The following ST18 variants were observed in gnomAD, a reference collection of about 807,000 sequenced individuals.
ST18 encodes the protein suppression of tumorigenicity 18 protein.
In ST18, 50 loss-of-function variants were observed where a neutral mutation model predicts 110.0. That is an observed-to-expected ratio of 0.45 (90% CI 0.36 to 0.58). The LOEUF is 0.58. Among genes scored for constraint, ST18 ranks in the 20% least tolerant of loss-of-function variants. ST18 has a pLI of 0.00. For missense variants in ST18, 1,306 were observed against 1,280.1 expected (o/e 1.02, Z -0.31); for synonymous variants, 461 against 452.4 (o/e 1.02, Z -0.24).
chr8:52,388,585 T>C lies in ST18; in HGVS notation c.-465+20743A>G, dbSNP rs146131941. ...CCCAGTCTCCCCATCAGCCCCAGGG[T>C]GCTTGTTGAGTGATTTCGCACGGCG... On this transcript the variant is annotated intron_variant, in intron 2 of 25. Coordinates refer to ENST00000689386, the MANE Select transcript of ST18 (RefSeq NM_001352837.2). Among the ~76,000 whole-genome samples the C allele has an allele frequency of 6.2e-3, 942 of 151,894 alleles. 8 individuals are homozygous for C. The highest frequency in any genetic ancestry group is 0.022 in the African/African-American group (910 of 41,424).
intron 8 of ST18, among the ~76,000 whole-genome samples, chr8:52,208,811 T>C (rs1476563159): frequency 6.7e-6 from 1 of 148,592 alleles, no homozygotes; most frequent in East Asian, 1.9e-4. Flanking sequence ...CAGTGAGGCT[T>C]CGCCAAAATA....
At chr8:52,245,973 T>A (rs1245641659) in intron 2 of ST18, among the ~76,000 whole-genome samples, 6 of 152,138 alleles carry the variant, frequency 3.9e-5, no homozygotes, top group Admixed American at 3.9e-4. Flanking sequence ...AAGTTACAAC[T>A]TAAATGTATA....
At chr8:52,378,988 C>A (rs941087938) in intron 2 of ST18, among the ~76,000 whole-genome samples, 5 of 152,022 alleles carry the variant, frequency 3.3e-5, no homozygotes, top group African/African-American at 1.2e-4. Context: ...TGTCATAATT[C>A]TTGTATTCCA....
At chr8:52,231,647 T>C (rs1588978097) in intron 2 of ST18, among the ~76,000 whole-genome samples, 2 of 152,216 alleles carry the variant, frequency 1.3e-5, no homozygotes, top group African/African-American at 4.8e-5. Flanking sequence ...CAGTGAATTT[T>C]TGTATTTTTA....
chr8:52,290,907 G>A (rs1485186829), intron 2 of ST18, among the ~76,000 whole-genome samples: 6 of 152,044 alleles, frequency 3.9e-5, no homozygotes, highest in East Asian at 1.9e-4. Context: ...CGTACCAATC[G>A]TTCCCCCGGT....
chr8:52,313,570 T>C (rs1276389316), intron 2 of ST18: 1 of 152,480 alleles, frequency 6.6e-6, no homozygotes, highest in South Asian at 2.1e-4. Context: ...TTATTTTATA[T>C]TTGAGGTAAG....
chr8:52,204,044 A>C (rs2079032712), intron 8 of ST18, among the ~76,000 whole-genome samples: 1 of 152,200 alleles, frequency 6.6e-6, no homozygotes, highest in Admixed American at 6.5e-5. Flanking sequence ...CTCATTTCTG[A>C]TACATGATGA....
intron 2 of ST18, among the ~76,000 whole-genome samples, chr8:52,283,100 G>C (rs1022872443): frequency 1.3e-5 from 2 of 152,212 alleles, no homozygotes; most frequent in African/African-American, 4.8e-5. Context: ...CATTCTGGAT[G>C]TATTTTGGTT....
At chr8:52,213,975 T>C (rs2083160240) in intron 7 of ST18, among the ~76,000 whole-genome samples, 1 of 152,232 alleles carries the variant, frequency 6.6e-6, no homozygotes, top group African/African-American at 2.4e-5. Flanking sequence ...TGATTGCATT[T>C]TGTAAAAATT....
At position 52,214,374 on chromosome 8, in the gene ST18, A is replaced by G; in HGVS notation, c.1-117T>C. The G allele has an allele frequency of 5.7e-6, 6 of 1,048,594 alleles. No homozygotes were observed. The South Asian group carries it at 8.3e-5, about 15-fold the overall frequency. The allele number at this position is 1,048,594 out of a possible 1,614,324, so 65.0% of individuals were successfully genotyped here. A position where few individuals can be genotyped will look rare whatever the true frequency, so the allele number is the denominator to read the frequency against. On this transcript the variant is annotated intron_variant, in intron 6 of 25. Transcript: ENST00000689386. ...AAAACAGTAGCCTTCCATGCTCTTG[A>G]CTCACAGCCCGGCTCTATAGTACAT... is the stretch of plus-strand genomic sequence containing the variant.
chr8:52,357,671 CTATAAATATATATATATATATATA>C (rs1378374708), intron 2 of ST18, among the ~76,000 whole-genome samples: 16 of 60,018 alleles, frequency 2.7e-4, no homozygotes, highest in African/African-American at 7.8e-4. Context: ...TCCCCAAAAT[CTATAAATATATATATATATATATA>C]TATATATATA....
intron 2 of ST18, among the ~76,000 whole-genome samples, chr8:52,231,966 G>A (rs1224838599): frequency 6.6e-6 from 1 of 152,220 alleles, no homozygotes; most frequent in Non-Finnish European, 1.5e-5. Context: ...GATCTATGGT[G>A]GGACCCGAGA....
chr8:52,117,648 G>C (rs2043029874), intron 24 of ST18, among the ~76,000 whole-genome samples: 1 of 152,198 alleles, frequency 6.6e-6, no homozygotes, highest in African/African-American at 2.4e-5. Context: ...TTAAGCTGTT[G>C]TGTGAGGACT....
chr8:52,223,462 G>A (rs1176757850), intron 3 of ST18, among the ~76,000 whole-genome samples: 1 of 151,990 alleles, frequency 6.6e-6, no homozygotes, highest in African/African-American at 2.4e-5. Context: ...TGGCCAACAT[G>A]GTGAAACCCT....
intron 2 of ST18, among the ~76,000 whole-genome samples, chr8:52,268,492 T>TATC (rs753715608): frequency 1.3e-5 from 2 of 151,066 alleles, no homozygotes; most frequent in African/African-American, 2.5e-5. Context: ...TCTATCTATC[T>TATC]ATCTATCTAT....
chr8:52,385,919 T>A (rs1443689873), intron 2 of ST18, among the ~76,000 whole-genome samples: 1 of 152,170 alleles, frequency 6.6e-6, no homozygotes, highest in East Asian at 1.9e-4. Context: ...CTCACTCTCT[T>A]ACTGTGTCCT....
At chr8:52,345,240 T>C (rs2140252511) in intron 2 of ST18, among the ~76,000 whole-genome samples, 1 of 152,348 alleles carries the variant, frequency 6.6e-6, no homozygotes, top group African/African-American at 2.4e-5. Flanking sequence ...ATTTAAAAGA[T>C]AAACCTAGAC....
intron 2 of ST18, chr8:52,407,228 T>C (rs181086211): frequency 8.5e-5 from 13 of 152,328 alleles, no homozygotes; most frequent in Admixed American, 3.3e-4. Flanking sequence ...ATTTCAAGTG[T>C]AAAATGTATG....
intron 21 of ST18, 121 bp from the exon 22 acceptor site, chr8:52,132,300 C>T (rs2049987510): frequency 1.2e-6 from 1 of 820,690 alleles, no homozygotes. Flanking sequence ...ACTAGCAAAA[C>T]AGCATTGCAT....
Sources: gnomAD v4.1 joint callset for allele counts (sites outside exome capture counted in the v4.1 genomes callset) on GRCh38, gnomAD v4.1.1 for gene constraint, MANE v1.5 for transcripts, NCBI Gene and HGNC (gene_info 2026-07-23, HGNC 2026-07-21) for gene names.